DNAH14: variants seen among roughly 807,000 people sequenced by gnomAD.
The protein encoded by DNAH14 is axonemal beta dynein heavy chain 14.
DNAH14 carries 478 observed loss-of-function variants against 520.9 expected under a neutral mutation model. The observed-to-expected ratio is 0.92, with a 90% CI of 0.85 to 0.99. The LOEUF is 0.99. Among genes scored for constraint, DNAH14 ranks in the 50% least tolerant of loss-of-function variants. The pLI is 0.00. For missense variants in DNAH14, 4,831 were observed against 5,234.5 expected (o/e 0.92, Z 2.38); for synonymous variants, 1,581 against 1,757.2 (o/e 0.90, Z 2.51).
chr1:225,386,087 C>T (rs2095838248), intron 81 of DNAH14, among the ~76,000 whole-genome samples: 1 of 152,152 alleles, frequency 6.6e-6, no homozygotes, highest in African/African-American at 2.4e-5. Context: ...ATATCTACAA[C>T]CATCTGATCT....
chr1:225,064,471 A>T (rs548641727), intron 17 of DNAH14, among the ~76,000 whole-genome samples: 8 of 152,144 alleles, frequency 5.3e-5, no homozygotes, highest in African/African-American at 1.9e-4. Context: ...CCAAGTGGTC[A>T]GAGAAGCTTT....
At chr1:225,044,369 C>T (rs2067750933) in intron 15 of DNAH14, among the ~76,000 whole-genome samples, 1 of 152,122 alleles carries the variant, frequency 6.6e-6, no homozygotes, top group Admixed American at 6.5e-5. Context: ...AAATTGCAGG[C>T]AATTACTAGC....
chr1:225,186,894 A>G (rs1433249596), intron 37 of DNAH14, among the ~76,000 whole-genome samples: 6 of 151,828 alleles, frequency 4.0e-5, no homozygotes, highest in African/African-American at 1.4e-4. Flanking sequence ...ATACTTAGGA[A>G]TGGTAGTAGG....
At chr1:225,180,029 C>A (rs2083787325) in intron 36 of DNAH14, among the ~76,000 whole-genome samples, 1 of 152,090 alleles carries the variant, frequency 6.6e-6, no homozygotes, top group African/African-American at 2.4e-5. Flanking sequence ...TCTCTTTCTG[C>A]TTTTAGGATC....
chr1:225,051,928 T>C (rs998581353), intron 17 of DNAH14, 133 bp downstream of exon 17: 9 of 623,592 alleles, frequency 1.4e-5, no homozygotes, highest in African/African-American at 3.8e-5. Flanking sequence ...AATGAAGATA[T>C]ACATAAATAT....
Position 225,152,689 on chromosome 1 carries a change from C to T in DNAH14, c.5010-8C>T. On this transcript the variant is annotated splice_polypyrimidine_tract_variant and splice_region_variant and intron_variant, in intron 32 of 85. Coordinates refer to ENST00000682510, the MANE Select transcript of DNAH14 (RefSeq NM_001367479.1). Reference sequence around the variant, plus strand: ...GTTTTTATTGTTTGTTTTTCTTTTCCTCTTCAGATACGGAGGTGGAGTAGA... The same window carrying T: ...GTTTTTATTGTTTGTTTTTCTTTTCTTCTTCAGATACGGAGGTGGAGTAGA... 3 of 1,512,168 alleles carry T rather than the reference C, an allele frequency of 2.0e-6. No individual in the cohort carries two copies. Among genetic ancestry groups the T allele is most frequent in the South Asian group, 1.3e-5 (1 of 77,320 alleles). The allele number at this position is 1,512,168 out of a possible 1,614,324, so 93.7% of individuals were successfully genotyped here.
intron 41 of DNAH14, among the ~76,000 whole-genome samples, chr1:225,216,328 GT>G (rs1301178116): frequency 1.3e-5 from 2 of 152,102 alleles, no homozygotes; most frequent in Non-Finnish European, 1.5e-5. Context: ...TGCCCTTAAT[GT>G]TTTTTCCTTC....
intron 55 of DNAH14, among the ~76,000 whole-genome samples, chr1:225,299,849 G>A (rs2094103989): frequency 1.3e-5 from 2 of 152,134 alleles, no homozygotes; most frequent in South Asian, 2.1e-4. Flanking sequence ...CAGGAAATAC[G>A]TTAGCCCTGT....
chr1:225,225,259 T>C (rs1392964741), intron 41 of DNAH14, among the ~76,000 whole-genome samples: 1 of 152,208 alleles, frequency 6.6e-6, no homozygotes, highest in African/African-American at 2.4e-5. Flanking sequence ...GGCAAACAGA[T>C]GTTAAACACA....
chr1:225,358,912 C>T (rs1170361404), intron 74 of DNAH14, among the ~76,000 whole-genome samples: 2 of 152,200 alleles, frequency 1.3e-5, no homozygotes, highest in Non-Finnish European at 2.9e-5. Context: ...AAAGAAGGTG[C>T]CTGCTTCTCC....
intron 81 of DNAH14, among the ~76,000 whole-genome samples, chr1:225,383,961 G>T (rs190956873): frequency 2.3e-4 from 35 of 152,252 alleles, no homozygotes; most frequent in Non-Finnish European, 4.1e-4. Flanking sequence ...TGGTTTCAAA[G>T]AACATCTTTA....
rs930886064 is a variant in DNAH14 at position 225,369,778 on chromosome 1, G to A, written c.12318+1746G>A. On this transcript the variant is annotated intron_variant, in intron 77 of 85. Transcript: ENST00000682510. ...AAAGAAAAACCTTTAATGATTTTAT[G>A]GGCCACGTTATCTGAACACAATTTA... Among the ~76,000 whole-genome samples, 9 of 152,174 alleles carry A rather than the reference G, an allele frequency of 5.9e-5. No homozygotes were observed. In the South Asian group the frequency reaches 1.7e-3, roughly 28 times the overall value.
intron 55 of DNAH14, 133 bp from the exon 56 acceptor site, chr1:225,300,736 C>CT: frequency 2.1e-6 from 2 of 962,946 alleles, no homozygotes; most frequent in Non-Finnish European, 1.5e-6. Context: ...GGGAGATTAG[C>CT]TTTAAAAAAA....
chr1:225,152,155 C>A (rs1330499552), intron 32 of DNAH14, 82 bp downstream of exon 32: 4 of 1,207,298 alleles, frequency 3.3e-6, no homozygotes, highest in Admixed American at 4.9e-5. Flanking sequence ...AGTTGCTTGA[C>A]ATTTGCATCT....
At chr1:224,979,232 G>C (rs981273736) in intron 8 of DNAH14, among the ~76,000 whole-genome samples, 2 of 152,174 alleles carry the variant, frequency 1.3e-5, no homozygotes, top group Admixed American at 1.3e-4. Context: ...GCACTGAAGA[G>C]GGAAGGAAAC....
intron 81 of DNAH14, among the ~76,000 whole-genome samples, chr1:225,383,376 T>C (rs1387627169): frequency 1.3e-5 from 2 of 152,162 alleles, no homozygotes; most frequent in Non-Finnish European, 2.9e-5. Flanking sequence ...GAACCCCCAC[T>C]CCAATGACCT....
chr1:224,961,703 T>C (rs2060856516), intron 4 of DNAH14, among the ~76,000 whole-genome samples: 1 of 152,150 alleles, frequency 6.6e-6, no homozygotes, highest in African/African-American at 2.4e-5. Flanking sequence ...TTATGGGAAT[T>C]ACAATTCAAG....
chr1:225,041,709 A>G (rs931860132), intron 12 of DNAH14, among the ~76,000 whole-genome samples: 1 of 147,952 alleles, frequency 6.8e-6, no homozygotes, highest in Non-Finnish European at 1.5e-5. Flanking sequence ...CTGTAACCAT[A>G]ATTACATTTA....
At chr1:225,057,437 A>G (rs561235886) in intron 17 of DNAH14, among the ~76,000 whole-genome samples, 12 of 152,294 alleles carry the variant, frequency 7.9e-5, no homozygotes, top group Non-Finnish European at 1.0e-4. Context: ...GGCTGAGACA[A>G]TGGGGTTTTC....
Sources: gnomAD v4.1 joint callset for allele counts (sites outside exome capture counted in the v4.1 genomes callset) on GRCh38, gnomAD v4.1.1 for gene constraint, MANE v1.5 for transcripts, NCBI Gene and HGNC (gene_info 2026-07-23, HGNC 2026-07-21) for gene names.